Variants in ASB13 observed in about 807,000 individuals in gnomAD.
ASB13 encodes ankyrin repeat and SOCS box protein 13.
ASB13 carries 33 observed loss-of-function variants against 28.8 expected under a neutral mutation model. That is an observed-to-expected ratio of 1.15 (90% CI 0.87 to 1.53). The LOEUF is 1.53. Ranked by LOEUF, ASB13 falls within the 40% of genes most tolerant of loss-of-function variation. ASB13 has a pLI of 0.00. For synonymous variants in ASB13, 182 were observed against 172.9 expected, an observed-to-expected ratio of 1.05 and a Z score of -0.41; for missense variants, 414 against 390.1, an observed-to-expected ratio of 1.06 and a Z score of -0.52.
chr10:5,649,049 G>C lies in ASB13; in HGVS notation c.438C>G (p.His146Gln). The change falls in exon 4 of 6, where the codon CAC becomes CAG. Residue 146 changes from histidine to glutamine, a missense_variant. Coordinates refer to ENST00000357700, the MANE Select transcript of ASB13 (RefSeq NM_024701.4). This position sits in a 1 kb window ranked among gnomAD's most constrained non-coding sequence, Gnocchi z 6.4. ...GCAGAGGGGTCCCAAAATGGCAATC[G>C]TGCGCTTCCAGATTGGCCCCGACGT... ...LIDVGANLEA[H>Q]DCHFGTPLHV... 1 of 1,614,256 alleles carries C rather than the reference G, an allele frequency of 6.2e-7. No individual in the cohort carries two copies. Among genetic ancestry groups the C allele is most frequent in the Non-Finnish European group, 8.5e-7 (1 of 1,180,048 alleles).
chr10:5,664,403 G>C lies in ASB13; in HGVS notation c.43+2106C>G, dbSNP rs1384524903. Among the ~76,000 whole-genome samples the C allele has an allele frequency of 6.6e-6, 1 of 151,986 alleles. No homozygotes were observed. Among genetic ancestry groups the C allele is most frequent in the Non-Finnish European group, 1.5e-5 (1 of 68,018 alleles). The stretch of plus-strand genomic sequence containing the variant: ...TTAGGGATTAGGCATGGAGAACACC[G>C]AACCCACAGGTAAACAAAAAGAACA... On this transcript the variant is annotated intron_variant, in intron 1 of 5. Coordinates refer to ENST00000357700, the MANE Select transcript of ASB13 (RefSeq NM_024701.4). This position sits in a 1 kb window ranked among gnomAD's most constrained non-coding sequence, Gnocchi z 4.2.
At chr10:5,665,109 G>A (rs1489516518) in intron 1 of ASB13, among the ~76,000 whole-genome samples, 3 of 152,130 alleles carry the variant, frequency 2.0e-5, no homozygotes, top group Admixed American at 6.5e-5. Flanking sequence ...CACCTGCCTC[G>A]GCCTCCCAAA....
rs751235130 is a variant in ASB13, at chr10:5,658,192, G to A, written c.44-5142C>T. 6.6e-6 allele frequency among the ~76,000 whole-genome samples: 1 copy of A among 151,930 alleles called. No homozygotes were observed. Among genetic ancestry groups the A allele is most frequent in the African/African-American group, 2.4e-5 (1 of 41,346 alleles). Reference sequence around the variant, plus strand: ...TAAATAAATACGCTATTTCTGGCCAGGTGCAGTGGCTCAAAACTCTAATCC... The same window carrying A: ...TAAATAAATACGCTATTTCTGGCCAAGTGCAGTGGCTCAAAACTCTAATCC... On this transcript the variant is annotated intron_variant, in intron 1 of 5. Transcript: ENST00000357700. The surrounding 1 kb of genome is among the most constrained non-coding windows in gnomAD (Gnocchi z 4.2).
Position 5,652,556 on chromosome 10 carries a change from C to T in ASB13, c.231+307G>A, listed in dbSNP as rs1429237099. ...CCTGCTCTTTGGGCCCAAGCAGCAG[C>T]TCTGCACCCAGGCCTGGCTGCCCCT... On this transcript the variant is annotated intron_variant, in intron 2 of 5. Coordinates refer to ENST00000357700, the MANE Select transcript of ASB13 (RefSeq NM_024701.4). This position sits in a 1 kb window ranked among gnomAD's most constrained non-coding sequence, Gnocchi z 5.0. Among the ~76,000 whole-genome samples the T allele has an allele frequency of 1.3e-5, 2 of 152,250 alleles. No homozygotes were observed. Among genetic ancestry groups the T allele is most frequent in the Non-Finnish European group, 2.9e-5 (2 of 68,054 alleles).
In ASB13 at chr10:5,641,732, G is replaced by A. The variant is rs756364444; in HGVS notation, c.709+38C>T. 27 of 1,534,394 alleles carry A rather than the reference G, an allele frequency of 1.8e-5. No homozygotes were observed. The highest frequency in any genetic ancestry group is 2.4e-5 in the Non-Finnish European group (27 of 1,133,772). ...GGCACGTCAGGGGTCCAGGCTGAAG[G>A]CTGGAGGGGATGGGGTGCGCTCGGT... On this transcript the variant is annotated intron_variant, in intron 5 of 5. Transcript: ENST00000357700. This position sits in a 1 kb window ranked among gnomAD's most constrained non-coding sequence, Gnocchi z 8.4.
chr10:5,647,053 T>C (rs1376008185), intron 4 of ASB13, among the ~76,000 whole-genome samples: 2 of 152,190 alleles, frequency 1.3e-5, no homozygotes, highest in African/African-American at 2.4e-5. Context: ...GATTCTCCAA[T>C]AAAAAACTAC....
In ASB13 at chr10:5,649,029, G is replaced by C. The variant is rs1361809367; in HGVS notation, c.458C>G (p.Pro153Arg). 1.9e-6 allele frequency: 3 copies of C among 1,614,278 alleles called. No homozygotes were observed. The South Asian group carries it at 3.3e-5, about 18-fold the overall frequency. The change falls in exon 4 of 6, where the codon CCT (proline) becomes CGT (arginine). Residue 153 changes from proline (P) to arginine (R), a missense_variant. By Grantham distance (103) the Pro-to-Arg change is moderately radical (BLOSUM62 -2). Coordinates refer to ENST00000357700, the MANE Select transcript of ASB13 (RefSeq NM_024701.4). The surrounding 1 kb of genome is among the most constrained non-coding windows in gnomAD (Gnocchi z 6.4). The stretch of plus-strand genomic sequence containing the variant: ...CTCCCGGGCACAGGCAACGTGCAGA[G>C]GGGTCCCAAAATGGCAATCGTGCGC... Reference protein sequence around the residue: ...LEAHDCHFGTPLHVACAREHL... With the variant: ...LEAHDCHFGTRLHVACAREHL...
rs1834976616 is a variant in ASB13, at chr10:5,651,104, A to C, written c.382+109T>G. 4 of 1,379,878 alleles carry C rather than the reference A, an allele frequency of 2.9e-6. No individual in the cohort carries two copies. The highest frequency in any genetic ancestry group is 1.5e-5 in the South Asian group (1 of 66,966). The allele number at this position is 1,379,878 out of a possible 1,614,324, so 85.5% of individuals were successfully genotyped here. On this transcript the variant is annotated intron_variant, in intron 3 of 5. Coordinates refer to ENST00000357700, the MANE Select transcript of ASB13 (RefSeq NM_024701.4). The surrounding 1 kb of genome is among the most constrained non-coding windows in gnomAD (Gnocchi z 5.1). ...ACTCAGAACTCTCCTTCACCAGCCA[A>C]GGGCTCCCAATTCTGTCTACTCTGC...
chr10:5,656,387 G>C lies in ASB13; in HGVS notation c.44-3337C>G, dbSNP rs1193010455. On this transcript the variant is annotated intron_variant, in intron 1 of 5. Coordinates refer to ENST00000357700, the MANE Select transcript of ASB13 (RefSeq NM_024701.4). The surrounding 1 kb of genome is among the most constrained non-coding windows in gnomAD (Gnocchi z 4.3). ...ACCCCATCTCTACTAAAAATACAAA[G>C]AATTAGCCGGCCGTGGTGGCACGTG... Among the ~76,000 whole-genome samples, 1 of 151,974 alleles carries C rather than the reference G, an allele frequency of 6.6e-6. No homozygotes were observed. The highest frequency in any genetic ancestry group is 1.5e-5 in the Non-Finnish European group (1 of 67,970).
chr10:5,666,348 G>A (rs6602610), intron 1 of ASB13, among the ~76,000 whole-genome samples, 161 bp downstream of exon 1: 83,544 of 151,916 alleles, frequency 0.55, 23,508 homozygotes, highest in Non-Finnish European at 0.62. Context: ...CGGCACCACT[G>A]GGACCCTGCT....
In ASB13 at chr10:5,642,143, T is replaced by G. The variant is rs186186959; in HGVS notation, c.518-182A>C. Among the ~76,000 whole-genome samples the G allele has an allele frequency of 3.9e-5, 6 of 152,174 alleles. No homozygotes were observed. The highest frequency in any genetic ancestry group is 1.4e-4 in the African/African-American group (6 of 41,518). On this transcript the variant is annotated intron_variant, in intron 4 of 5. Coordinates refer to ENST00000357700, the MANE Select transcript of ASB13 (RefSeq NM_024701.4). This position sits in a 1 kb window ranked among gnomAD's most constrained non-coding sequence, Gnocchi z 4.1. The stretch of plus-strand genomic sequence containing the variant: ...TTCAACATCCAAAAGCAGGAACTAC[T>G]TACTGTCCCCACTCATGAGAGATAA...
In ASB13 at chr10:5,644,534, A is replaced by G. The variant is rs1588507760; in HGVS notation, c.518-2573T>C. 6.6e-6 allele frequency among the ~76,000 whole-genome samples: 1 copy of G among 151,642 alleles called. No individual in the cohort carries two copies. Among genetic ancestry groups the G allele is most frequent in the South Asian group, 2.1e-4 (1 of 4,812 alleles). On this transcript the variant is annotated intron_variant, in intron 4 of 5. Transcript: ENST00000357700. This position sits in a 1 kb window ranked among gnomAD's most constrained non-coding sequence, Gnocchi z 5.1. ...AAACAGGTACTCGTTAGAGGAAAAC[A>G]GGGCCAGACACGGTGGCTCATGCCT...
At chr10:5,662,565 GGAGAA>G (rs1191915063) in intron 1 of ASB13, among the ~76,000 whole-genome samples, 471 of 14,494 alleles carry the variant, frequency 0.032, 13 homozygotes, top group Middle Eastern at 0.067. Flanking sequence ...GGAGGGGAGG[GGAGAA>G]GAGAAGAGAA....
rs1363113534 is a variant in ASB13 at position 5,652,548 on chromosome 10, A to G, written c.231+315T>C. Among the ~76,000 whole-genome samples, 1 of 152,194 alleles carries G rather than the reference A, an allele frequency of 6.6e-6. No homozygotes were observed. Among genetic ancestry groups the G allele is most frequent in the Non-Finnish European group, 1.5e-5 (1 of 68,034 alleles). On this transcript the variant is annotated intron_variant, in intron 2 of 5. Coordinates refer to ENST00000357700, the MANE Select transcript of ASB13 (RefSeq NM_024701.4). The surrounding 1 kb of genome is among the most constrained non-coding windows in gnomAD (Gnocchi z 5.0). Reference sequence around the variant, plus strand: ...GCCGGAAACCTGCTCTTTGGGCCCAAGCAGCAGCTCTGCACCCAGGCCTGG... The same window carrying G: ...GCCGGAAACCTGCTCTTTGGGCCCAGGCAGCAGCTCTGCACCCAGGCCTGG...
intron 4 of ASB13, 69 bp downstream of exon 4, chr10:5,648,901 C>G: frequency 1.9e-6 from 3 of 1,592,218 alleles, no homozygotes; most frequent in Non-Finnish European, 2.6e-6. Flanking sequence ...CAAACACCCA[C>G]GCAGGTAAAC....
chr10:5,650,740 C>T lies in ASB13; in HGVS notation c.382+473G>A, dbSNP rs376397909. ...CTTTTATCTTCCCAGCATCTGCAGT[C>T]TGCCTATTCTTGGGGGGCAGATGAG... On this transcript the variant is annotated intron_variant, in intron 3 of 5. Coordinates refer to ENST00000357700, the MANE Select transcript of ASB13 (RefSeq NM_024701.4). The surrounding 1 kb of genome is among the most constrained non-coding windows in gnomAD (Gnocchi z 6.0). Among the ~76,000 whole-genome samples, 64 of 152,376 alleles carry T rather than the reference C, an allele frequency of 4.2e-4. No individual in the cohort carries two copies. The South Asian group carries it at 0.013, about 32-fold the overall frequency.
intron 1 of ASB13, among the ~76,000 whole-genome samples, chr10:5,662,329 G>A (rs1213783435): frequency 2.6e-5 from 4 of 151,846 alleles, no homozygotes; most frequent in African/African-American, 9.7e-5. Context: ...GATCAGCCTG[G>A]CCAACATGGC....
chr10:5,648,044 CAAACACCCACTCAGGT>C (rs1834912921), intron 4 of ASB13, among the ~76,000 whole-genome samples: 1 of 108,028 alleles, frequency 9.3e-6, no homozygotes, highest in Non-Finnish European at 2.3e-5. Context: ...CCTACTCAGG[CAAACACCCACTCAGGT>C]AAACACCCAC....
Position 5,652,874 on chromosome 10 carries a change from C to A in ASB13, c.220G>T (p.Ala74Ser), listed in dbSNP as rs1423974097. ...GAAGGGCCACTCACCTGGGCCCCAG[C>A]CGCCAGCAGCAGCTGCACACACCGC... ...QARCVQLLLA[A>S]GAQVDARNID... Residue 74 changes from alanine (A) to serine (S), a missense_variant, in exon 2 of 6, where the codon GCT becomes TCT. Transcript: ENST00000357700. The surrounding 1 kb of genome is among the most constrained non-coding windows in gnomAD (Gnocchi z 5.0). 1 of 1,548,962 alleles carries A rather than the reference C, an allele frequency of 6.5e-7. No individual in the cohort carries two copies. The highest frequency in any genetic ancestry group is 1.9e-5 in the Admixed American group (1 of 52,418).
Sources: gnomAD v4.1 joint callset for allele counts (sites outside exome capture counted in the v4.1 genomes callset) on GRCh38, gnomAD v4.1.1 for gene constraint, Gnocchi (gnomAD v3.1) non-coding constraint, MANE v1.5 for transcripts, NCBI Gene and HGNC (gene_info 2026-07-23, HGNC 2026-07-21) for gene names.